The following KANSL3 variants were observed in gnomAD, a reference collection of about 807,000 sequenced individuals.
The protein encoded by KANSL3 is NSL complex protein NSL3.
Under a neutral mutation model 89.2 loss-of-function variants are expected in KANSL3, and 16 were observed. The observed-to-expected ratio is 0.18, with a 90% CI of 0.12 to 0.27. The LOEUF is 0.27. KANSL3 is among the 10% of genes least tolerant of loss of function. KANSL3 has a pLI of 1.00. For synonymous variants in KANSL3, 385 were observed against 419.7 expected (o/e 0.92, Z 1.01); for missense variants, 879 against 1,110.6 (o/e 0.79, Z 2.96).
intron 5 of KANSL3, among the ~76,000 whole-genome samples, chr2:96,618,953 AG>A (rs1254727946): frequency 6.6e-6 from 1 of 152,244 alleles, no homozygotes; most frequent in Non-Finnish European, 1.5e-5. Context: ...GCAGAATTGA[AG>A]GCATCACGGC....
rs766083729 is a variant in KANSL3, at chr2:96,608,962, C to T, written c.1486G>A (p.Asp496Asn). ...AAGGCCAAGTCTCTGCGGGCCACAT[C>T]GCGGGGCTTCTTCTTCTTCTCAGCA... The part of the protein sequence containing the change: ...QDAEKKKKPR[D>N]VARRDLAFEV... The change falls in exon 13 of 21, where the codon GAT becomes AAT. Residue 496 changes from aspartate to asparagine, a missense_variant. By Grantham distance (23) the Asp-to-Asn change is conservative. This residue lies in a region of KANSL3 where 317 missense variants were observed against 311.2 expected (regional missense o/e 1.02). Coordinates refer to ENST00000431828, the MANE Select transcript of KANSL3 (RefSeq NM_001115016.3). 3.8e-6 allele frequency: 6 copies of T among 1,562,480 alleles called. No homozygotes were observed. The highest frequency in any genetic ancestry group is 2.4e-5 in the East Asian group (1 of 41,986).
intron 1 of KANSL3, 138 bp from the exon 2 acceptor site, chr2:96,637,323 C>A: frequency 2.0e-6 from 1 of 503,154 alleles, no homozygotes; most frequent in South Asian, 3.1e-5. Context: ...CTGGTGGGGA[C>A]GGTTCGTGGA....
In KANSL3 at chr2:96,605,473, C is replaced by T. The variant is rs1266509595; in HGVS notation, c.1780G>A (p.Glu594Lys). The T allele has an allele frequency of 2.5e-6, 4 of 1,613,914 alleles. No homozygotes were observed. In the East Asian group the frequency reaches 6.7e-5, roughly 27 times the overall value. Residue 594 changes from glutamate to lysine, a missense_variant, in exon 15 of 21, where the codon GAG (glutamate) becomes AAG (lysine). Around this residue, in one of 6 missense-constraint regions of KANSL3, gnomAD observed 317 missense variants for 311.2 expected, o/e 1.02. Coordinates refer to ENST00000431828, the MANE Select transcript of KANSL3 (RefSeq NM_001115016.3). ...SSEPPEEGEK[E>K]DLRVQLKRHH... ...CGCTTCAGCTGAACCCTAAGATCCT[C>T]TTTCTCTCCTTCCTCTGGTGGTTCT...
chr2:96,605,239 T>G, intron 15 of KANSL3, 81 bp downstream of exon 15: 1 of 1,227,938 alleles, frequency 8.1e-7, no homozygotes, highest in Non-Finnish European at 1.1e-6. Context: ...AAGGCTGACA[T>G]GCTGGTGAAT....
downstream of KANSL3, among the ~76,000 whole-genome samples, chr2:96,590,517 G>A (rs1379656994): frequency 2.6e-5 from 4 of 151,908 alleles, no homozygotes; most frequent in African/African-American, 9.7e-5. Context: ...TCAAACTCCT[G>A]AGCTCAAGCA....
chr2:96,600,584 G>A, intron 20 of KANSL3: 1 of 985,382 alleles, frequency 1.0e-6, no homozygotes, highest in Middle Eastern at 5.2e-4. Context: ...AGGTTGACAT[G>A]GTGGAAAGGA....
chr2:96,597,038 A>G (rs1210994061), intron 20 of KANSL3, among the ~76,000 whole-genome samples: 1 of 152,218 alleles, frequency 6.6e-6, no homozygotes, highest in Non-Finnish European at 1.5e-5. Flanking sequence ...CAAAACAGAT[A>G]ATTAAGTGCT....
chr2:96,617,658 C>G (rs1198891285), intron 5 of KANSL3, among the ~76,000 whole-genome samples: 1 of 151,210 alleles, frequency 6.6e-6, no homozygotes, highest in East Asian at 1.9e-4. Flanking sequence ...GCCAGGAATT[C>G]AAGACGAGCC....
intron 11 of KANSL3, among the ~76,000 whole-genome samples, 174 bp from the exon 12 acceptor site, chr2:96,609,736 G>A (rs2068574464): frequency 6.6e-6 from 1 of 151,976 alleles, no homozygotes; most frequent in Non-Finnish European, 1.5e-5. Context: ...CTGCAAAATG[G>A]GGAATCATAA....
At chr2:96,602,710 T>G (rs2067362665) in intron 18 of KANSL3, 43 bp downstream of exon 18, 2 of 1,494,608 alleles carry the variant, frequency 1.3e-6, no homozygotes, top group Admixed American at 4.4e-5. Context: ...TGAGGAGGCC[T>G]CCTCCCTACA....
intron 14 of KANSL3, chr2:96,606,783 A>C (rs2068047621): frequency 3.3e-6 from 1 of 304,278 alleles, no homozygotes; most frequent in Non-Finnish European, 6.4e-6. Context: ...CAAACAAAAG[A>C]ATGGAAAAAG....
chr2:96,593,038 A>G (rs1031972974), downstream of KANSL3: 1 of 276,972 alleles, frequency 3.6e-6, no homozygotes, highest in African/African-American at 2.2e-5. Flanking sequence ...ACCCCCTCAT[A>G]CCACCTGGCA....
chr2:96,610,994 C>G, intron 10 of KANSL3, 70 bp downstream of exon 10: 1 of 1,581,322 alleles, frequency 6.3e-7, no homozygotes, highest in Non-Finnish European at 8.7e-7. Flanking sequence ...TCAGCATCAG[C>G]TTGGACAAGG....
intron 9 of KANSL3, among the ~76,000 whole-genome samples, chr2:96,611,903 A>ATATGTGTGTG (rs376030964): frequency 0.02 from 2,254 of 113,304 alleles, 84 homozygotes; most frequent in Admixed American, 0.089. Flanking sequence ...ATATACCCAT[A>ATATGTGTGTG]TGTGTGTGTG....
Position 96,610,854 on chromosome 2 carries a change from C to A in KANSL3, c.1191G>T (p.Lys397Asn). 6.2e-7 allele frequency: 1 copy of A among 1,613,954 alleles called. No homozygotes were observed. The highest frequency in any genetic ancestry group is 8.5e-7 in the Non-Finnish European group (1 of 1,179,860). Residue 397 changes from lysine (K) to asparagine (N), a missense_variant, in exon 11 of 21, where the codon AAG becomes AAT. Coordinates refer to ENST00000431828, the MANE Select transcript of KANSL3 (RefSeq NM_001115016.3). ...GACCAATGACAAAGAGGACTGGAGT[C>A]TTCATATCCAAGAGGGGATCATCTA... ...GDVDDPLLDMKTPVLFVIGQN... is the reference protein window; with the variant it reads ...GDVDDPLLDMNTPVLFVIGQN...
chr2:96,607,642 C>A lies in KANSL3; in HGVS notation c.1741+866G>T, dbSNP rs571848926. ...CTCCTCCCATCCACTCACACTTCTA[C>A]TCCTTGTTAGTACTACTCTTATAAG... On this transcript the variant is annotated intron_variant, in intron 14 of 20. Coordinates refer to ENST00000431828, the MANE Select transcript of KANSL3 (RefSeq NM_001115016.3). Among the ~76,000 whole-genome samples, 14 of 152,342 alleles carry A rather than the reference C, an allele frequency of 9.2e-5. No individual in the cohort carries two copies. The South Asian group carries it at 1.9e-3, about 20-fold the overall frequency.
In KANSL3 at chr2:96,611,138, C is replaced by T. The variant is rs532815065; in HGVS notation, c.1087G>A (p.Val363Met). The T allele has an allele frequency of 6.2e-7, 1 of 1,613,548 alleles. No individual in the cohort carries two copies. Among genetic ancestry groups the T allele is most frequent in the Non-Finnish European group, 8.5e-7 (1 of 1,179,454 alleles). Reference protein sequence around the residue: ...WNTGALVACHVSVMEYVTAVV... With the variant: ...WNTGALVACHMSVMEYVTAVV... ...GCAGTGACATACTCCATTACTGACA[C>T]CTGTAAATAACAGAACAGTTTGTCT... Residue 363 changes from valine (V) to methionine (M), a missense_variant and splice_region_variant, in exon 10 of 21, where the codon GTG becomes ATG. Transcript: ENST00000431828.
intron 18 of KANSL3, 119 bp from the exon 19 acceptor site, chr2:96,602,457 G>A (rs188628294): frequency 2.2e-5 from 16 of 741,276 alleles, no homozygotes; most frequent in Non-Finnish European, 3.2e-5. Flanking sequence ...CTACATGCAA[G>A]GTACTCTTCC....
intron 2 of KANSL3, among the ~76,000 whole-genome samples, chr2:96,633,307 C>T (rs941606814): frequency 2.0e-5 from 3 of 151,658 alleles, no homozygotes; most frequent in East Asian, 1.9e-4. Context: ...TAGTGGCTCG[C>T]GCCTGTAAAC....
Sources: allele counts gnomAD v4.1 joint callset (sites outside exome capture counted in the v4.1 genomes callset), GRCh38; gene constraint gnomAD v4.1.1; regional missense constraint gnomAD v4.1.1; transcripts MANE v1.5; gene names NCBI Gene and HGNC (gene_info 2026-07-23, HGNC 2026-07-21).